Variants in DCLRE1C observed in about 807,000 individuals in gnomAD.
The protein encoded by DCLRE1C is DNA cross-link repair 1C.
Under a neutral mutation model 61.4 loss-of-function variants are expected in DCLRE1C, and 47 were observed. That is an observed-to-expected ratio of 0.77 (90% confidence interval 0.61 to 0.98). DCLRE1C has a LOEUF of 0.98. DCLRE1C is among the 50% of genes least tolerant of loss of function. DCLRE1C has a pLI of 0.00. For missense variants in DCLRE1C, 858 were observed against 816.0 expected, an observed-to-expected ratio of 1.05 and a Z score of -0.63; for synonymous variants, 337 against 287.6, an observed-to-expected ratio of 1.17 and a Z score of -1.74.
rs1330020307 is a variant in DCLRE1C, at chr10:14,908,505, A to AACTC, written c.1978_1981dup (p.Leu661Ter). ...ATATTGTAAATGCTCTCGTTTAGGT[A>AACTC]ACTCAGCTTCTGGAGTTGAGGGAAC... On this transcript the variant is annotated stop_gained and frameshift_variant, in exon 14 of 14. Transcript: ENST00000378278. LOFTEE classifies it high-confidence loss of function. The AACTC allele has an allele frequency of 6.2e-7, 1 of 1,614,074 alleles. No homozygotes were observed. Among genetic ancestry groups the AACTC allele is most frequent in the Non-Finnish European group, 8.5e-7 (1 of 1,179,988 alleles).
At chr10:14,919,854 G>C in intron 12 of DCLRE1C, 22 bp from the exon 13 acceptor site, 1 of 1,584,026 alleles carries the variant, frequency 6.3e-7, no homozygotes, top group East Asian at 2.2e-5. Context: ...CAGAATATTT[G>C]ATTTTTCCTT....
At chr10:14,914,003 A>C (rs139494791) in intron 13 of DCLRE1C, among the ~76,000 whole-genome samples, 1 of 152,340 alleles carries the variant, frequency 6.6e-6, no homozygotes, top group African/African-American at 2.4e-5. Context: ...AAAAAAGAAT[A>C]AAGAACAAAT....
intron 4 of DCLRE1C, among the ~76,000 whole-genome samples, chr10:14,937,281 C>CTTT (rs1162058273): frequency 2.4e-4 from 27 of 110,606 alleles, no homozygotes; most frequent in African/African-American, 3.7e-4. Flanking sequence ...AAGCTATTTA[C>CTTT]TTTTTTTTTT....
chr10:14,918,604 A>G (rs987991887), intron 13 of DCLRE1C, among the ~76,000 whole-genome samples: 1 of 151,626 alleles, frequency 6.6e-6, no homozygotes, highest in Non-Finnish European at 1.5e-5. Flanking sequence ...GTTTATATCA[A>G]TTATACCTCA....
At chr10:14,930,166 C>A (rs539458375) in intron 9 of DCLRE1C, among the ~76,000 whole-genome samples, 2 of 151,836 alleles carry the variant, frequency 1.3e-5, no homozygotes, top group African/African-American at 4.8e-5. Context: ...GGCTGGAGTG[C>A]AGTGGTACAA....
intron 1 of DCLRE1C, among the ~76,000 whole-genome samples, chr10:14,951,389 C>CAAAAAAAA (rs60272216): frequency 1.1e-4 from 5 of 46,056 alleles, no homozygotes; most frequent in Admixed American, 3.8e-4. Context: ...AACCCTGTCT[C>CAAAAAAAA]AAAAAAAAAA....
Position 14,906,508 on chromosome 10 carries a change from T to C in DCLRE1C, c.*1900A>G, listed in dbSNP as rs1438721079. On this transcript the variant is annotated 3_prime_UTR_variant, in exon 14 of 14. Transcript: ENST00000378278. Reference sequence around the variant, plus strand: ...ACAGGCATTTTTTGAACAACCACTTTCGATCATAAGGTACACTGTTAAAAC... The same window carrying C: ...ACAGGCATTTTTTGAACAACCACTTCCGATCATAAGGTACACTGTTAAAAC... Among the ~76,000 whole-genome samples the C allele has an allele frequency of 6.6e-6, 1 of 152,236 alleles. No individual in the cohort carries two copies. Among genetic ancestry groups the C allele is most frequent in the Non-Finnish European group, 1.5e-5 (1 of 68,040 alleles).
upstream of DCLRE1C, chr10:14,954,265 C>A (rs1369639819): frequency 5.1e-6 from 3 of 589,090 alleles, no homozygotes; most frequent in East Asian, 2.9e-5. Context: ...CTGCCCAGTG[C>A]AAGGCTCATT....
chr10:14,937,739 A>C (rs1432078189), intron 4 of DCLRE1C, among the ~76,000 whole-genome samples: 1 of 152,050 alleles, frequency 6.6e-6, no homozygotes, highest in Non-Finnish European at 1.5e-5. Flanking sequence ...AAAAATACAA[A>C]AATTAGCTGC....
At position 14,908,961 on chromosome 10, in the gene DCLRE1C, G is replaced by T; in HGVS notation, c.1526C>A (p.Ser509Tyr). The T allele has an allele frequency of 6.2e-7, 1 of 1,614,154 alleles. No individual in the cohort carries two copies. Among genetic ancestry groups the T allele is most frequent in the East Asian group, 2.2e-5 (1 of 44,874 alleles). The change falls in exon 14 of 14, where the codon TCC becomes TAC. Residue 509 changes from serine (S) to tyrosine (Y), a missense_variant. Coordinates refer to ENST00000378278, the MANE Select transcript of DCLRE1C (RefSeq NM_001033855.3). The part of the protein sequence containing the change: ...ITDESLENFP[S>Y]STVAGGSQSP... ...CTGAGATCCCCCTGCCACTGTGGAG[G>T]AAGGGAAGTTTTCCAAACTCTCATC...
In DCLRE1C at chr10:14,909,288, G is replaced by T. The variant is rs114279611; in HGVS notation, c.1199C>A (p.Pro400His). Residue 400 changes from proline to histidine, a missense_variant, in exon 14 of 14, where the codon CCT (proline) becomes CAT (histidine). Coordinates refer to ENST00000378278, the MANE Select transcript of DCLRE1C (RefSeq NM_001033855.3). ...CGGGTATGGAACTTTGTGCCTTAAA[G>T]GTATTGGCAGAGGATCATCAAAGAG... is the stretch of plus-strand genomic sequence containing the variant. ...DYLFDDPLPIPLRHKVPYPET... is the reference protein window; with the variant it reads ...DYLFDDPLPIHLRHKVPYPET... 2 of 1,613,844 alleles carry T rather than the reference G, an allele frequency of 1.2e-6. No individual in the cohort carries two copies. The highest frequency in any genetic ancestry group is 2.2e-5 in the East Asian group (1 of 44,878).
chr10:14,920,982 C>CAA (rs112720831), intron 12 of DCLRE1C, among the ~76,000 whole-genome samples: 3 of 130,818 alleles, frequency 2.3e-5, no homozygotes, highest in Non-Finnish European at 3.3e-5. Context: ...GACTCTGTCT[C>CAA]AAAAAAAAAA....
chr10:14,948,728 C>CGTT (rs143688475), intron 2 of DCLRE1C, among the ~76,000 whole-genome samples: 7 of 149,636 alleles, frequency 4.7e-5, no homozygotes, highest in Non-Finnish European at 7.4e-5. Context: ...TTGTTGCTGT[C>CGTT]GTTGTTGTTG....
At chr10:14,910,073 G>A (rs538116405) in intron 13 of DCLRE1C, among the ~76,000 whole-genome samples, 5 of 152,132 alleles carry the variant, frequency 3.3e-5, no homozygotes, top group Non-Finnish European at 7.4e-5. Flanking sequence ...TTGTTCTACT[G>A]CTGAATCTGG....
intron 13 of DCLRE1C, chr10:14,899,506 C>T: frequency 6.2e-7 from 1 of 1,608,094 alleles, no homozygotes; most frequent in Non-Finnish European, 8.5e-7. Flanking sequence ...GGTTCAGTAG[C>T]TACGTAATAT....
intron 3 of DCLRE1C, among the ~76,000 whole-genome samples, chr10:14,940,285 C>CTTTTTTTTTTTTTTTTTTT (rs1467655165): frequency 9.7e-6 from 1 of 103,222 alleles, no homozygotes. Context: ...ATACACGGTT[C>CTTTTTTTTTTTTTTTTTTT]TTTTATTTTT....
chr10:14,926,208 G>C (rs1767274546), intron 11 of DCLRE1C, among the ~76,000 whole-genome samples: 1 of 152,176 alleles, frequency 6.6e-6, no homozygotes, highest in African/African-American at 2.4e-5. Flanking sequence ...AGAAGGCAGA[G>C]CATTGCCTTG....
At chr10:14,951,374 A>G (rs1406146432) in intron 1 of DCLRE1C, among the ~76,000 whole-genome samples, 2 of 130,322 alleles carry the variant, frequency 1.5e-5, no homozygotes, top group Non-Finnish European at 3.1e-5. Context: ...TGGGTGACAG[A>G]GCAAAACCCT....
At chr10:14,923,183 C>CA in intron 11 of DCLRE1C, 114 bp from the exon 12 acceptor site, 1 of 812,798 alleles carries the variant, frequency 1.2e-6, no homozygotes, top group Admixed American at 2.0e-5. Context: ...CTGTGGTTCT[C>CA]AATGCTGGCT....
Sources: gnomAD v4.1 joint callset for allele counts (sites outside exome capture counted in the v4.1 genomes callset) on GRCh38, gnomAD v4.1.1 for gene constraint, MANE v1.5 for transcripts, NCBI Gene and HGNC (gene_info 2026-07-23, HGNC 2026-07-21) for gene names.